Variants in RERE observed in about 807,000 individuals in gnomAD.
RERE encodes arginine-glutamic acid dipeptide repeats.
RERE carries 40 observed loss-of-function variants against 146.1 expected under a neutral mutation model. The observed-to-expected ratio is 0.27, with a 90% CI of 0.21 to 0.36. The LOEUF (loss-of-function observed/expected upper bound fraction) is 0.36. Among genes scored for constraint, RERE ranks in the 10% least tolerant of loss-of-function variants. RERE has a pLI of 1.00. For synonymous variants in RERE, 1,003 were observed against 866.0 expected (o/e 1.16, Z -2.78); for missense variants, 1,933 against 2,138.7 (o/e 0.90, Z 1.90).
At chr1:8,803,732 GT>G (rs542392123) in intron 1 of RERE, among the ~76,000 whole-genome samples, 1,901 of 141,700 alleles carry the variant, frequency 0.013, 11 homozygotes, top group Non-Finnish European at 0.015. Context: ...CTGGTTTTTT[GT>G]TTTTTTTTTT....
chr1:8,492,495 T>G (rs189069587), intron 10 of RERE, among the ~76,000 whole-genome samples: 1 of 152,310 alleles, frequency 6.6e-6, no homozygotes, highest in East Asian at 1.9e-4. Flanking sequence ...TGGTGGCCCA[T>G]GCCTGTAATC....
chr1:8,423,477 G>A lies in RERE; in HGVS notation c.1204-670C>T. 2.1e-6 allele frequency: 2 copies of A among 931,310 alleles called. No homozygotes were observed. The highest frequency in any genetic ancestry group is 2.6e-6 in the Non-Finnish European group (2 of 780,316). 57.7% of individuals were successfully genotyped at this position (931,310 alleles called of 1,614,324 possible). A position where few individuals can be genotyped will look rare whatever the true frequency, so the allele number is the denominator to read the frequency against. On this transcript the variant is annotated intron_variant, in intron 11 of 22. Transcript: ENST00000400908. The surrounding 1 kb of genome is among the most constrained non-coding windows in gnomAD (Gnocchi z 5.4). ...CGCAGCAGACTCGTCCCTAACCCCA[G>A]CCCGGAGACTTTCACTTTGTCCCAT...
At position 8,359,938 on chromosome 1, in the gene RERE, G is replaced by A; in HGVS notation, c.3444C>T (p.Asp1148=). The change falls in exon 19 of 23, where the codon GAC becomes GAT. Residue 1148 remains aspartate (D), a synonymous_variant. Coordinates refer to ENST00000400908, the MANE Select transcript of RERE (RefSeq NM_001042681.2). ...DRGYNSCART[D]LYFMPLAGSK... is the part of the protein sequence containing the mutation. ...ACCCGGCCAGAGGCATGAAGTACAG[G>A]TCTGTCCGGGCACACGAGTTGTAGC... 1.9e-6 allele frequency: 3 copies of A among 1,613,264 alleles called. No individual in the cohort carries two copies. The South Asian group carries it at 3.3e-5, about 18-fold the overall frequency.
intron 4 of RERE, among the ~76,000 whole-genome samples, chr1:8,579,364 A>T (rs1646335716): frequency 6.6e-6 from 1 of 152,258 alleles, no homozygotes; most frequent in South Asian, 2.1e-4. Flanking sequence ...ATATTACCGT[A>T]TTCTATAATT....
chr1:8,439,839 G>A (rs1202004076), intron 11 of RERE, among the ~76,000 whole-genome samples: 1 of 152,198 alleles, frequency 6.6e-6, no homozygotes, highest in Non-Finnish European at 1.5e-5. Context: ...TTGGGAGGCC[G>A]AGGTGGGTGG....
At chr1:8,722,394 C>G (rs1639880623) in intron 1 of RERE, among the ~76,000 whole-genome samples, 1 of 152,216 alleles carries the variant, frequency 6.6e-6, no homozygotes, top group Non-Finnish European at 1.5e-5. Context: ...TGAGTGCTAA[C>G]TGTACACCAG....
At chr1:8,592,064 A>C (rs1049362049) in intron 4 of RERE, among the ~76,000 whole-genome samples, 4 of 152,256 alleles carry the variant, frequency 2.6e-5, no homozygotes, top group Admixed American at 6.5e-5. Flanking sequence ...GTACCTTCAC[A>C]GTAAAGACAT....
At chr1:8,817,125 G>T (rs537425042) in intron 1 of RERE, 35 bp downstream of exon 1, 1 of 152,306 alleles carries the variant, frequency 6.6e-6, no homozygotes, top group Non-Finnish European at 1.5e-5. Flanking sequence ...AAAAAAGAAA[G>T]CACACGACCC....
chr1:8,510,162 C>A (rs943281168), intron 7 of RERE, among the ~76,000 whole-genome samples: 1 of 152,116 alleles, frequency 6.6e-6, no homozygotes, highest in Non-Finnish European at 1.5e-5. Flanking sequence ...AAGCCTCCAG[C>A]TGGCGAGGCA....
intron 8 of RERE, among the ~76,000 whole-genome samples, chr1:8,507,131 G>A (rs943761727): frequency 6.6e-6 from 1 of 152,112 alleles, no homozygotes; most frequent in Non-Finnish European, 1.5e-5. Context: ...GAATATGCCG[G>A]GCCCAGTGGC....
intron 1 of RERE, among the ~76,000 whole-genome samples, chr1:8,690,658 T>C (rs1639188427): frequency 1.3e-5 from 2 of 152,244 alleles, no homozygotes; most frequent in South Asian, 4.1e-4. Context: ...TATTTACCTT[T>C]GTGGATAGTT....
intron 12 of RERE, among the ~76,000 whole-genome samples, chr1:8,385,986 AAAAAAAAATATATAT>A (rs1642633963): frequency 2.8e-5 from 1 of 36,116 alleles, no homozygotes; most frequent in Admixed American, 3.7e-4. Flanking sequence ...AAAAAAAAAA[AAAAAAAAATATATAT>A]ATATATATAT....
At chr1:8,745,610 C>T (rs1411098485) in intron 1 of RERE, among the ~76,000 whole-genome samples, 1 of 152,196 alleles carries the variant, frequency 6.6e-6, no homozygotes, top group Non-Finnish European at 1.5e-5. Flanking sequence ...AAAACTTCTA[C>T]AGGATTCCAC....
chr1:8,382,315 T>C (rs961598394), intron 12 of RERE, among the ~76,000 whole-genome samples: 1 of 152,264 alleles, frequency 6.6e-6, no homozygotes, highest in African/African-American at 2.4e-5. Flanking sequence ...TTGGCTCCAG[T>C]GATCTCAGGT....
At chr1:8,568,373 T>C (rs1646177415) in intron 4 of RERE, among the ~76,000 whole-genome samples, 1 of 152,192 alleles carries the variant, frequency 6.6e-6, no homozygotes, top group African/African-American at 2.4e-5. Flanking sequence ...CATCTCCAGC[T>C]TGCAGATGGC....
chr1:8,672,371 T>C (rs550646823), intron 1 of RERE, among the ~76,000 whole-genome samples: 1 of 152,208 alleles, frequency 6.6e-6, no homozygotes, highest in South Asian at 2.1e-4. Flanking sequence ...GAAGGGATCT[T>C]GCTAGGTTTC....
At chr1:8,598,152 C>T (rs1470473788) in intron 4 of RERE, among the ~76,000 whole-genome samples, 2 of 152,114 alleles carry the variant, frequency 1.3e-5, no homozygotes, top group Admixed American at 6.5e-5. Context: ...AGTGTGTATT[C>T]GAAAGATTTC....
At chr1:8,481,368 C>A (rs1278421671) in intron 10 of RERE, among the ~76,000 whole-genome samples, 1 of 152,166 alleles carries the variant, frequency 6.6e-6, no homozygotes, top group Middle Eastern at 3.2e-3. Flanking sequence ...CCTGCCTTGG[C>A]CTCCCAAAGT....
chr1:8,729,084 AAC>A (rs1640029569), intron 1 of RERE, among the ~76,000 whole-genome samples: 1 of 151,862 alleles, frequency 6.6e-6, no homozygotes, highest in South Asian at 2.1e-4. Flanking sequence ...GAATCGTTTG[AAC>A]CCGGGAGGTG....
Sources: allele counts gnomAD v4.1 joint callset (sites outside exome capture counted in the v4.1 genomes callset), GRCh38; gene constraint gnomAD v4.1.1; non-coding constraint Gnocchi (gnomAD v3.1); transcripts MANE v1.5; gene names NCBI Gene and HGNC (gene_info 2026-07-23, HGNC 2026-07-21).